The following ZC3H13 variants were observed in gnomAD, a reference collection of about 807,000 sequenced individuals.
ZC3H13 encodes zinc finger CCCH domain-containing protein 13.
In ZC3H13, 64 loss-of-function variants were observed where a neutral mutation model predicts 204.1. The observed-to-expected ratio is 0.31, with a 90% CI of 0.26 to 0.39. The LOEUF is 0.39. Ranked by LOEUF, ZC3H13 falls within the 10% of genes least tolerant of loss-of-function variation. ZC3H13 has a pLI of 1.00. For synonymous variants in ZC3H13, 667 were observed against 693.7 expected (o/e 0.96, Z 0.60); for missense variants, 1,833 against 2,082.7 (o/e 0.88, Z 2.33).
At chr13:46,051,789 A>C (rs1462849148) in intron 1 of ZC3H13, 1 of 152,224 alleles carries the variant, frequency 6.6e-6, no homozygotes, top group Non-Finnish European at 1.5e-5. Context: ...TCTTACCAAC[A>C]TAATTCAAGT....
At chr13:45,997,841 C>A (rs2040449809) in intron 8 of ZC3H13, among the ~76,000 whole-genome samples, 1 of 151,840 alleles carries the variant, frequency 6.6e-6, no homozygotes, top group African/African-American at 2.4e-5. Flanking sequence ...AAAAAACAAA[C>A]CCAAAGCCAA....
chr13:45,954,531 T>A lies in ZC3H13; in HGVS notation c.*2596A>T, dbSNP rs1342485330. 6.6e-6 allele frequency: 1 copy of A among 152,166 alleles called. No homozygotes were observed. The highest frequency in any genetic ancestry group is 1.5e-5 in the Non-Finnish European group (1 of 68,032). The allele number at this position is 152,166 out of a possible 1,614,324, so 9.4% of individuals were successfully genotyped here. A position where few individuals can be genotyped will look rare whatever the true frequency, so the allele number is the denominator to read the frequency against. On this transcript the variant is annotated 3_prime_UTR_variant, in exon 19 of 19. Transcript: ENST00000679008. ...ATGATAAAATAAGGCAAGTCCTAGATCAGATTTAAATACAATATTTAGAAA... is the reference window on the plus strand; with the variant it reads ...ATGATAAAATAAGGCAAGTCCTAGAACAGATTTAAATACAATATTTAGAAA...
At chr13:46,038,584 T>A (rs749854318) in intron 4 of ZC3H13, among the ~76,000 whole-genome samples, 5 of 152,230 alleles carry the variant, frequency 3.3e-5, no homozygotes, top group Non-Finnish European at 5.9e-5. Context: ...TAGCTATGCC[T>A]ATGTAATCTA....
At chr13:46,020,943 C>T (rs2042184172) in intron 4 of ZC3H13, among the ~76,000 whole-genome samples, 1 of 151,834 alleles carries the variant, frequency 6.6e-6, no homozygotes, top group Admixed American at 6.6e-5. Flanking sequence ...ACGTGAAAAC[C>T]ACTGGGGAAA....
chr13:46,029,772 C>G (rs1038577795), intron 4 of ZC3H13, among the ~76,000 whole-genome samples: 4 of 152,068 alleles, frequency 2.6e-5, no homozygotes, highest in Non-Finnish European at 5.9e-5. Context: ...CAGCATTATC[C>G]TAATTCTGAA....
At chr13:45,998,866 C>G (rs1410061875) in intron 8 of ZC3H13, among the ~76,000 whole-genome samples, 2 of 152,008 alleles carry the variant, frequency 1.3e-5, no homozygotes, top group Non-Finnish European at 2.9e-5. Context: ...TTTGTCACAC[C>G]AATTGACTCT....
chr13:46,013,517 T>A (rs1258080147), intron 5 of ZC3H13, among the ~76,000 whole-genome samples: 1 of 152,182 alleles, frequency 6.6e-6, no homozygotes, highest in East Asian at 1.9e-4. Context: ...CTGAAGGTGC[T>A]TATTTTACGC....
At chr13:45,995,121 C>A (rs2040241223) in intron 8 of ZC3H13, among the ~76,000 whole-genome samples, 1 of 152,004 alleles carries the variant, frequency 6.6e-6, no homozygotes, top group Non-Finnish European at 1.5e-5. Flanking sequence ...ATAACACAGC[C>A]CTACATTCTT....
At chr13:45,973,197 A>G (rs1384415885) in intron 12 of ZC3H13, among the ~76,000 whole-genome samples, 2 of 152,232 alleles carry the variant, frequency 1.3e-5, no homozygotes, top group Non-Finnish European at 2.9e-5. Flanking sequence ...AACATGAGAA[A>G]AAGTTATTTC....
intron 17 of ZC3H13, chr13:45,963,127 G>C (rs532086038): frequency 1.0e-6 from 1 of 967,692 alleles, no homozygotes; most frequent in African/African-American, 1.8e-5. Context: ...TAGGAAGTTG[G>C]TGGTATGATT....
In ZC3H13 at chr13:45,956,977, C is replaced by G. The variant is rs954445520; in HGVS notation, c.*150G>C. ...ATCTTAAGTTGGCCAAAACTAGTGT[C>G]TCTAAAGATCAAAATTCTTCACTCT... On this transcript the variant is annotated 3_prime_UTR_variant, in exon 19 of 19. Coordinates refer to ENST00000679008, the MANE Select transcript of ZC3H13 (RefSeq NM_001330564.2). The G allele has an allele frequency of 1.9e-5, 13 of 681,322 alleles. No homozygotes were observed. Among genetic ancestry groups the G allele is most frequent in the Admixed American group, 8.5e-5 (2 of 23,530 alleles). 42.2% of individuals were successfully genotyped at this position (681,322 alleles called of 1,614,324 possible).
At chr13:45,963,425 T>C in intron 17 of ZC3H13, 2 of 992,338 alleles carry the variant, frequency 2.0e-6, no homozygotes, top group Non-Finnish European at 2.4e-6. Context: ...TTGGTTAATT[T>C]GTTTTTTTTT....
chr13:46,010,207 C>A, intron 7 of ZC3H13, 141 bp downstream of exon 7: 1 of 834,080 alleles, frequency 1.2e-6, no homozygotes, highest in Non-Finnish European at 1.6e-6. Context: ...TTAATTGAAA[C>A]ATTTCAAATT....
At chr13:46,008,547 G>A (rs965903218) in intron 7 of ZC3H13, among the ~76,000 whole-genome samples, 12 of 152,110 alleles carry the variant, frequency 7.9e-5, no homozygotes, top group Non-Finnish European at 1.8e-4. Flanking sequence ...AAAAGAGATT[G>A]TATGTAAAAG....
intron 8 of ZC3H13, among the ~76,000 whole-genome samples, chr13:45,997,024 A>G (rs2040389280): frequency 6.6e-6 from 1 of 152,214 alleles, no homozygotes; most frequent in African/African-American, 2.4e-5. Context: ...TAGGTCACGG[A>G]AAGTTTATTT....
At chr13:46,038,000 G>A (rs1476224477) in intron 4 of ZC3H13, among the ~76,000 whole-genome samples, 1 of 152,154 alleles carries the variant, frequency 6.6e-6, no homozygotes, top group African/African-American at 2.4e-5. Flanking sequence ...AATCATGGCT[G>A]CATATCAGAA....
chr13:45,976,130 C>T (rs1953028717), intron 11 of ZC3H13: 3 of 974,962 alleles, frequency 3.1e-6, no homozygotes, highest in Non-Finnish European at 3.7e-6. Context: ...GCTCCCTACC[C>T]TACCTCCAGC....
Position 45,989,020 on chromosome 13 carries a change from G to C in ZC3H13, c.1022C>G (p.Ser341Cys). The C allele has an allele frequency of 6.2e-7, 1 of 1,614,158 alleles. No homozygotes were observed. The highest frequency in any genetic ancestry group is 8.5e-7 in the Non-Finnish European group (1 of 1,180,016). ...AGGAGAAGGAGAATGTCTTTGAATA[G>C]ATGATCCTGATTGTGAGGAAGATGA... ...HHSSSSQSGS[S>C]IQRHSPSPRR... The change falls in exon 9 of 19, where the codon TCT becomes TGT. Residue 341 changes from serine to cysteine, a missense_variant. By Grantham distance (112) the Ser-to-Cys change is moderately radical. Transcript: ENST00000679008.
intron 7 of ZC3H13, among the ~76,000 whole-genome samples, chr13:46,008,753 C>A (rs1470330928): frequency 6.6e-6 from 1 of 152,050 alleles, no homozygotes; most frequent in African/African-American, 2.4e-5. Flanking sequence ...TGAAGTGGAG[C>A]GTATCACTCT....
Sources: gnomAD v4.1 joint callset for allele counts (sites outside exome capture counted in the v4.1 genomes callset) on GRCh38, gnomAD v4.1.1 for gene constraint, MANE v1.5 for transcripts, NCBI Gene and HGNC (gene_info 2026-07-23, HGNC 2026-07-21) for gene names.